ERRFI1: variants seen among roughly 807,000 people sequenced by gnomAD.
ERRFI1 encodes the protein mitogen-inducible gene 6 protein.
Under a neutral mutation model 14.6 loss-of-function variants are expected in ERRFI1, and 12 were observed. The observed-to-expected ratio is 0.82, with a 90% CI of 0.53 to 1.33. The LOEUF (loss-of-function observed/expected upper bound fraction) is 1.33. ERRFI1 is among the 40% of genes most tolerant of loss of function. The pLI, the probability that ERRFI1 is intolerant of heterozygous loss-of-function variation, is 0.00. For missense variants in ERRFI1, 482 were observed against 572.1 expected (o/e 0.84, Z 1.61); for synonymous variants, 202 against 209.9 (o/e 0.96, Z 0.32).
Position 8,013,809 on chromosome 1 carries a change from T to G in ERRFI1, c.790A>C (p.Ile264Leu), listed in dbSNP as rs751917577. The change falls in exon 4 of 4, where the codon ATA becomes CTA. Residue 264 changes from isoleucine (I) to leucine (L), a missense_variant. By Grantham distance (5) the Ile-to-Leu change is conservative. Transcript: ENST00000377482. This position sits in a 1 kb window ranked among gnomAD's most constrained non-coding sequence, Gnocchi z 4.3. ...AGSFNKPAIR[I>L]SNCCIHRASP... ...GCTCTGTGTATACAACAGTTGGATATCCTTATGGCTGGCTTGTTAAAGGAG... is the reference window on the plus strand; with the variant it reads ...GCTCTGTGTATACAACAGTTGGATAGCCTTATGGCTGGCTTGTTAAAGGAG... 1 of 1,614,152 alleles carries G rather than the reference T, an allele frequency of 6.2e-7. No homozygotes were observed.
intron 1 of ERRFI1, among the ~76,000 whole-genome samples, chr1:8,021,822 C>A (rs990757422): frequency 6.6e-6 from 1 of 152,214 alleles, no homozygotes; most frequent in African/African-American, 2.4e-5. Flanking sequence ...AAGGTCAAAA[C>A]TGGTGAGCAA....
At chr1:8,023,588 A>C (rs762737159) in intron 1 of ERRFI1, among the ~76,000 whole-genome samples, 26 of 152,190 alleles carry the variant, frequency 1.7e-4, no homozygotes, top group Non-Finnish European at 2.6e-4. Flanking sequence ...CAAAAGCCCC[A>C]CATTTTAAAG....
chr1:8,025,962 G>A (rs1641342060), intron 1 of ERRFI1, among the ~76,000 whole-genome samples, 196 bp downstream of exon 1: 2 of 151,884 alleles, frequency 1.3e-5, no homozygotes, highest in African/African-American at 4.8e-5. Context: ...CCTCAATGGG[G>A]AGAAGCCCGC....
chr1:8,013,565 A>T lies in ERRFI1; in HGVS notation c.1034T>A (p.Val345Asp), dbSNP rs766523188. 6.2e-7 allele frequency: 1 copy of T among 1,613,596 alleles called. No homozygotes were observed. The highest frequency in any genetic ancestry group is 1.1e-5 in the South Asian group (1 of 91,008). The change falls in exon 4 of 4, where the codon GTC becomes GAC. Residue 345 changes from valine (V) to aspartate (D), a missense_variant. Val to Asp is a radical substitution (Grantham distance 152). Transcript: ENST00000377482. The surrounding 1 kb of genome is among the most constrained non-coding windows in gnomAD (Gnocchi z 4.3). ...PKSLPSYLNG[V>D]MPPTQSFAPD... ...GGCAAAGCTCTGTGTCGGGGGCATG[A>T]CCCCATTGAGGTAAGACGGAAGGCT...
chr1:8,013,407 G>A lies in ERRFI1; in HGVS notation c.1192C>T (p.Pro398Ser), dbSNP rs1450762763. The A allele has an allele frequency of 1.2e-6, 2 of 1,614,062 alleles. No homozygotes were observed. The highest frequency in any genetic ancestry group is 1.3e-5 in the African/African-American group (1 of 74,914). ...KVSSTHYYLL[P>S]ERPPYLDKYE... ...TTGTCCAGGTATGGTGGTCGTTCAG[G>A]TAGTAGGTAATAATGTGTTGAACTA... Residue 398 changes from proline to serine, a missense_variant, in exon 4 of 4, where the codon CCT becomes TCT. Transcript: ENST00000377482. This position sits in a 1 kb window ranked among gnomAD's most constrained non-coding sequence, Gnocchi z 4.3.
At chr1:8,023,465 G>T (rs1641300733) in intron 1 of ERRFI1, among the ~76,000 whole-genome samples, 1 of 152,030 alleles carries the variant, frequency 6.6e-6, no homozygotes, top group African/African-American at 2.4e-5. Context: ...TTTTTGTAGT[G>T]ACAGGGTTTC....
At chr1:8,026,076 C>G (rs1641344347) in intron 1 of ERRFI1, 82 bp downstream of exon 1, 2 of 151,732 alleles carry the variant, frequency 1.3e-5, no homozygotes, top group South Asian at 4.1e-4. Context: ...CCGCCTGGAT[C>G]CCGGCGCCCG....
intron 1 of ERRFI1, among the ~76,000 whole-genome samples, chr1:8,024,218 T>C (rs1041736732): frequency 7.9e-5 from 12 of 152,198 alleles, no homozygotes; most frequent in African/African-American, 2.9e-4. Context: ...GCTCAACTTT[T>C]GAGAAGCAGC....
intron 1 of ERRFI1, among the ~76,000 whole-genome samples, chr1:8,017,775 T>G (rs566888151): frequency 6.6e-6 from 1 of 152,208 alleles, no homozygotes; most frequent in Admixed American, 6.5e-5. Context: ...CCCACCTGTC[T>G]GCAAGCCAAC....
intron 1 of ERRFI1, among the ~76,000 whole-genome samples, chr1:8,018,501 G>A (rs1641230976): frequency 6.6e-6 from 1 of 151,768 alleles, no homozygotes; most frequent in South Asian, 2.1e-4. Context: ...CTCATTAGAG[G>A]AAAACAATTG....
At chr1:8,015,179 A>G (rs1460809355) in intron 3 of ERRFI1, 129 bp downstream of exon 3, 2 of 750,544 alleles carry the variant, frequency 2.7e-6, no homozygotes, top group African/African-American at 3.5e-5. Context: ...TGTTGCCACT[A>G]GGGGTCAGGC....
At chr1:8,019,357 C>T (rs935407697) in intron 1 of ERRFI1, among the ~76,000 whole-genome samples, 4 of 152,102 alleles carry the variant, frequency 2.6e-5, no homozygotes, top group South Asian at 2.1e-4. Context: ...TGTTACAATT[C>T]GATTCATCCT....
In ERRFI1 at chr1:8,012,473, A is replaced by T. The variant is rs1445224226; in HGVS notation, c.*737T>A. On this transcript the variant is annotated 3_prime_UTR_variant, in exon 4 of 4. Coordinates refer to ENST00000377482, the MANE Select transcript of ERRFI1 (RefSeq NM_018948.4). ...GGACCAAGCAGGAACTGTAAGGGAA[A>T]ATTAGTCACTAGTTCTATTATCGTT... 1 of 229,594 alleles carries T rather than the reference A, an allele frequency of 4.4e-6. No homozygotes were observed. The highest frequency in any genetic ancestry group is 8.7e-6 in the Non-Finnish European group (1 of 115,488). The allele number at this position is 229,594 out of a possible 1,614,324, so 14.2% of individuals were successfully genotyped here.
intron 1 of ERRFI1, among the ~76,000 whole-genome samples, chr1:8,016,717 T>C (rs914990109): frequency 5.9e-5 from 9 of 152,208 alleles, no homozygotes; most frequent in Admixed American, 2.6e-4. Context: ...TTGTCAACTA[T>C]TGTGTAACAC....
At chr1:8,018,181 A>G (rs758576396) in intron 1 of ERRFI1, among the ~76,000 whole-genome samples, 17 of 152,068 alleles carry the variant, frequency 1.1e-4, no homozygotes, top group Non-Finnish European at 2.2e-4. Context: ...GGGGGGCAAT[A>G]TAACTGCCAT....
Position 8,013,272 on chromosome 1 carries a change from T to G in ERRFI1, c.1327A>C (p.Thr443Pro), listed in dbSNP as rs1369357712. The stretch of plus-strand genomic sequence containing the variant: ...ACGTGGCCACCCAGATCCATTTTTG[T>G]TTTTGAGTCTGGCTTTTCTGTGGCT... Reference protein sequence around the residue: ...SSATEKPDSKTKMDLGGHVKR... With the variant: ...SSATEKPDSKPKMDLGGHVKR... The change falls in exon 4 of 4, where the codon ACA (threonine) becomes CCA (proline). Residue 443 changes from threonine to proline, a missense_variant. Transcript: ENST00000377482. The surrounding 1 kb of genome is among the most constrained non-coding windows in gnomAD (Gnocchi z 4.3). 1.9e-6 allele frequency: 3 copies of G among 1,614,102 alleles called. No homozygotes were observed. The highest frequency in any genetic ancestry group is 2.5e-6 in the Non-Finnish European group (3 of 1,180,004).
rs994703930 is a variant in ERRFI1 at position 8,013,887 on chromosome 1, G to A, written c.712C>T (p.Pro238Ser). Residue 238 changes from proline to serine, a missense_variant, in exon 4 of 4, where the codon CCT becomes TCT. Coordinates refer to ENST00000377482, the MANE Select transcript of ERRFI1 (RefSeq NM_018948.4). The surrounding 1 kb of genome is among the most constrained non-coding windows in gnomAD (Gnocchi z 4.3). ...QNGGVPDPNPPPPQTHRRLRR... is the reference protein window; with the variant it reads ...QNGGVPDPNPSPPQTHRRLRR... ...AATCTTCGGTGGGTCTGAGGTGGAGGAGGATTTGGATCTGGGACACCTCCA... is the reference window on the plus strand; with the variant it reads ...AATCTTCGGTGGGTCTGAGGTGGAGAAGGATTTGGATCTGGGACACCTCCA... The A allele has an allele frequency of 1.9e-6, 3 of 1,613,996 alleles. No individual in the cohort carries two copies. The highest frequency in any genetic ancestry group is 2.5e-6 in the Non-Finnish European group (3 of 1,180,012).
At position 8,015,592 on chromosome 1, in the gene ERRFI1, C is replaced by A; in HGVS notation, c.28G>T (p.Glu10Ter). The A allele has an allele frequency of 1.2e-6, 2 of 1,614,124 alleles. No individual in the cohort carries two copies. The highest frequency in any genetic ancestry group is 8.5e-7 in the Non-Finnish European group (1 of 1,179,984). Residue 10 changes from glutamate to a stop codon, truncating the protein, a stop_gained, in exon 2 of 4, where the codon GAG becomes TAG. Coordinates refer to ENST00000377482, the MANE Select transcript of ERRFI1 (RefSeq NM_018948.4). LOFTEE classifies it high-confidence loss of function. ...CCAGTTTTTAATGGGACTCTGATCT[C>A]CTGAGCAGCAACTCCTGCTATTGAC... The part of the protein sequence containing the change: MSIAGVAAQ[E>*]IRVPLKTGFL...
At chr1:8,016,809 AAAT>A (rs1199653244) in intron 1 of ERRFI1, among the ~76,000 whole-genome samples, 1 of 152,206 alleles carries the variant, frequency 6.6e-6, no homozygotes, top group South Asian at 2.1e-4. Flanking sequence ...GGATCAGTGC[AAAT>A]AATATCTGCA....
Sources: gnomAD v4.1 joint callset for allele counts (sites outside exome capture counted in the v4.1 genomes callset) on GRCh38, gnomAD v4.1.1 for gene constraint, Gnocchi (gnomAD v3.1) non-coding constraint, MANE v1.5 for transcripts, NCBI Gene and HGNC (gene_info 2026-07-23, HGNC 2026-07-21) for gene names.